DRP2: variants seen among roughly 807,000 people sequenced by gnomAD.
The protein encoded by DRP2 is dystrophin related protein 2, also known as dystrophin-related protein 2.
In DRP2, 29 loss-of-function variants were observed where a neutral mutation model predicts 78.2. The observed-to-expected ratio is 0.37, with a 90% CI of 0.28 to 0.51. The LOEUF (loss-of-function observed/expected upper bound fraction) is 0.51. Among genes scored for constraint, DRP2 ranks in the 20% least tolerant of loss-of-function variants. DRP2 has a pLI of 0.94. For missense variants in DRP2, 686 were observed against 770.6 expected, an observed-to-expected ratio of 0.89 and a Z score of 1.30; for synonymous variants, 290 against 281.9, an observed-to-expected ratio of 1.03 and a Z score of -0.29.
rs199620912 is a variant in DRP2, at chrX:101,242,910, G to T, written c.982G>T (p.Val328Phe). ...CACCCTGTTCTTTCCATAGGCGTCA[G>T]TTAGTGAGAGGCTTAAGCAGCTCCA... ...NVRWKQLQAS[V>F]SERLKQLQDA... The change falls in exon 9 of 24, where the codon GTT (valine) becomes TTT (phenylalanine). Residue 328 changes from valine (V) to phenylalanine (F), a missense_variant. Coordinates refer to ENST00000395209, the MANE Select transcript of DRP2 (RefSeq NM_001939.3). 9.1e-6 allele frequency: 11 copies of T among 1,208,717 alleles called. No homozygotes were observed. The Admixed American group carries it at 2.4e-4, about 26-fold the overall frequency.
rs1887599625 is a variant in DRP2, at chrX:101,248,248, G to C, written c.1412G>C (p.Cys471Ser). The C allele has an allele frequency of 8.3e-7, 1 of 1,211,811 alleles. No individual in the cohort carries two copies. Among genetic ancestry groups the C allele is most frequent in the Non-Finnish European group, 1.1e-6 (1 of 895,587 alleles). ...ERGILVNVPL[C>S]VDMSLNWLLN... ...GGCATCCTGGTCAACGTGCCACTCT[G>C]TGTGGACATGAGCCTCAATTGGCTC... The change falls in exon 13 of 24, where the codon TGT becomes TCT. Residue 471 changes from cysteine (C) to serine (S), a missense_variant. Coordinates refer to ENST00000395209, the MANE Select transcript of DRP2 (RefSeq NM_001939.3).
intron 2 of DRP2, among the ~76,000 whole-genome samples, chrX:101,226,304 G>C (rs934114919): frequency 4.5e-5 from 5 of 112,020 alleles, no homozygotes; most frequent in Non-Finnish European, 3.8e-5. Context: ...TTCAAATGCT[G>C]ACATTGTACT....
chrX:101,241,587 T>C (rs1922728549), intron 6 of DRP2, 81 bp from the exon 7 acceptor site: 1 of 1,101,001 alleles, frequency 9.1e-7, no homozygotes. Flanking sequence ...CACACACATT[T>C]TATAAAGGGC....
At chrX:101,253,540 C>CTTTT (rs138161868) in intron 17 of DRP2, among the ~76,000 whole-genome samples, 32 of 53,574 alleles carry the variant, frequency 6.0e-4, no homozygotes, top group Non-Finnish European at 7.9e-4. Context: ...TTACTTTCAC[C>CTTTT]TTTTTTTTTT....
chrX:101,237,682 T>G lies in DRP2; in HGVS notation c.345T>G (p.Ile115Met). Reference sequence around the variant, plus strand: ...TTCAGCTCCCTCTTCAAGAGATTATTGACTGGCTCAGCCAAAAGGATGAGG... The same window carrying G: ...TTCAGCTCCCTCTTCAAGAGATTATGGACTGGCTCAGCCAAAAGGATGAGG... ...GKLQLPLQEI[I>M]DWLSQKDEEL... is the part of the protein sequence containing the mutation. The change falls in exon 5 of 24, where the codon ATT becomes ATG. Residue 115 changes from isoleucine (I) to methionine (M), a missense_variant. Transcript: ENST00000395209. The G allele has an allele frequency of 8.5e-7, 1 of 1,177,841 alleles. No homozygotes were observed. The highest frequency in any genetic ancestry group is 1.1e-6 in the Non-Finnish European group (1 of 874,350).
intron 5 of DRP2, 145 bp downstream of exon 5, chrX:101,237,920 A>G: frequency 1.8e-6 from 1 of 568,990 alleles, no homozygotes; most frequent in Non-Finnish European, 2.4e-6. Context: ...TGTGGCTAGC[A>G]TGCCACAGCC....
intron 21 of DRP2, among the ~76,000 whole-genome samples, chrX:101,256,552 AT>A (rs61273526): frequency 0.46 from 44,844 of 98,055 alleles, 9,260 homozygotes; most frequent in South Asian, 0.72. Context: ...AAACTTTTAA[AT>A]TTTTTTTTTT....
chrX:101,227,962 A>G lies in DRP2; in HGVS notation c.-64+3256A>G, dbSNP rs191990738. 3.9e-3 allele frequency among the ~76,000 whole-genome samples: 438 copies of G among 112,403 alleles called. 2 individuals are homozygous for G. Among genetic ancestry groups the G allele is most frequent in the African/African-American group, 0.013 (398 of 31,000 alleles). On this transcript the variant is annotated intron_variant, in intron 2 of 23. Transcript: ENST00000395209. ...GTTGATGAAAGAAGAGATACAAACG[A>G]CCACTAAAAGTGTGGAGGAAAAGCT... is the stretch of plus-strand genomic sequence containing the variant.
intron 3 of DRP2, among the ~76,000 whole-genome samples, chrX:101,233,667 A>G (rs932393678): frequency 1.6e-4 from 18 of 111,863 alleles, no homozygotes; most frequent in Non-Finnish European, 3.2e-4. Context: ...GAAAAGGAGA[A>G]GAGTGGCCAC....
chrX:101,244,955 A>T, intron 9 of DRP2, 62 bp from the exon 10 acceptor site: 20 of 1,061,448 alleles, frequency 1.9e-5, no homozygotes, highest in Non-Finnish European at 2.6e-5. Context: ...GCAAGGGAGT[A>T]GCTGGGGGCC....
intron 1 of DRP2, among the ~76,000 whole-genome samples, chrX:101,223,883 A>G (rs1302432465): frequency 2.7e-5 from 3 of 111,841 alleles, no homozygotes; most frequent in Non-Finnish European, 3.8e-5. Flanking sequence ...AATCAGGTAC[A>G]TCTGAAGCAG....
At position 101,239,015 on chromosome X, in the gene DRP2, A is replaced by G; in HGVS notation, c.473A>G (p.Tyr158Cys). Residue 158 changes from tyrosine to cysteine, a missense_variant, in exon 6 of 24, where the codon TAC (tyrosine) becomes TGC (cysteine). By Grantham distance (194) the Tyr-to-Cys change is radical. Transcript: ENST00000395209. ...FMEEVKSRGP[Y>C]IYSVLESAQA... is the part of the protein sequence containing the mutation. The stretch of plus-strand genomic sequence containing the variant: ...GAAGAAGTCAAGTCTCGGGGCCCCT[A>G]CATCTATTCTGTGCTGGAGTCAGCT... 4.1e-6 allele frequency: 5 copies of G among 1,211,252 alleles called. No homozygotes were observed. The highest frequency in any genetic ancestry group is 3.4e-6 in the Non-Finnish European group (3 of 895,201).
rs751160903 is a variant in DRP2, at chrX:101,231,814, A to T, written c.117+50A>T. 3 of 1,065,946 alleles carry T rather than the reference A, an allele frequency of 2.8e-6. No individual in the cohort carries two copies. The South Asian group carries it at 6.0e-5, about 21-fold the overall frequency. The allele number at this position is 1,065,946 out of a possible 1,213,427, so 87.8% of individuals were successfully genotyped here. ...GACCTGTGGAGAAAGTGGACACAGGATCTGTGTGTCCTTGGGGTACCCACG... is the reference window on the plus strand; with the variant it reads ...GACCTGTGGAGAAAGTGGACACAGGTTCTGTGTGTCCTTGGGGTACCCACG... On this transcript the variant is annotated intron_variant, in intron 3 of 23. Coordinates refer to ENST00000395209, the MANE Select transcript of DRP2 (RefSeq NM_001939.3).
At chrX:101,244,448 A>G (rs1405535663) in intron 9 of DRP2, among the ~76,000 whole-genome samples, 1 of 111,847 alleles carries the variant, frequency 8.9e-6, no homozygotes, top group East Asian at 2.8e-4. Context: ...TACCGAGGAA[A>G]ACTGCAGTGA....
intron 6 of DRP2, 110 bp from the exon 7 acceptor site, chrX:101,241,558 A>G (rs966811192): frequency 5.9e-6 from 5 of 850,784 alleles, no homozygotes; most frequent in African/African-American, 2.0e-5. Context: ...AAACATGCCC[A>G]CATGTGCACA....
intron 17 of DRP2, 82 bp downstream of exon 17, chrX:101,252,798 ATTGTTTTCTGCTCTCC>A: frequency 1.3e-6 from 1 of 778,445 alleles, no homozygotes; most frequent in Admixed American, 2.8e-5. Context: ...GCATTGGCTC[ATTGTTTTCTGCTCTCC>A]CGTGGGGAGC....
chrX:101,231,627 C>T lies in DRP2; in HGVS notation c.-21C>T. ...GTTGGTGCACTGCCTATCCTCATCCCCCCCATGAGCCTTGGTTTTTATGCA... is the reference window on the plus strand; with the variant it reads ...GTTGGTGCACTGCCTATCCTCATCCTCCCCATGAGCCTTGGTTTTTATGCA... On this transcript the variant is annotated 5_prime_UTR_variant, in exon 3 of 24. Transcript: ENST00000395209. 1 of 1,168,979 alleles carries T rather than the reference C, an allele frequency of 8.6e-7. No homozygotes were observed. The highest frequency in any genetic ancestry group is 1.2e-6 in the Non-Finnish European group (1 of 856,808).
At chrX:101,245,486 A>T (rs965052307) in intron 11 of DRP2, 37 bp downstream of exon 11, 11 of 1,092,762 alleles carry the variant, frequency 1.0e-5, no homozygotes, top group Non-Finnish European at 1.4e-5. Flanking sequence ...GTGGGCATAT[A>T]CACAGCTGCC....
intron 5 of DRP2, 116 bp downstream of exon 5, chrX:101,237,891 G>A: frequency 1.3e-6 from 1 of 747,476 alleles, no homozygotes; most frequent in Non-Finnish European, 1.8e-6. Flanking sequence ...ATAGGAGGCT[G>A]TATGCAGTCC....
Sources: allele counts gnomAD v4.1 joint callset (sites outside exome capture counted in the v4.1 genomes callset), GRCh38; gene constraint gnomAD v4.1.1; transcripts MANE v1.5; gene names NCBI Gene and HGNC (gene_info 2026-07-23, HGNC 2026-07-21).